PIAS2: variants seen among roughly 807,000 people sequenced by gnomAD.
PIAS2 encodes E3 SUMO-protein ligase PIAS2.
PIAS2 carries 19 observed loss-of-function variants against 69.7 expected under a neutral mutation model. The observed-to-expected ratio is 0.27, with a 90% CI of 0.19 to 0.40. PIAS2 has a LOEUF of 0.40. Ranked by LOEUF, PIAS2 falls within the 10% of genes least tolerant of loss-of-function variation. PIAS2 has a pLI of 1.00. For missense variants in PIAS2, 624 were observed against 757.0 expected (o/e 0.82, Z 2.06); for synonymous variants, 261 against 263.2 (o/e 0.99, Z 0.08).
At chr18:46,871,562 T>C (rs774953447) in intron 2 of PIAS2, among the ~76,000 whole-genome samples, 4 of 152,218 alleles carry the variant, frequency 2.6e-5, no homozygotes, top group Non-Finnish European at 5.9e-5. Context: ...AGGGGCTCTA[T>C]TCTTTTTATC....
At chr18:46,904,749 C>T (rs1291072246) in intron 1 of PIAS2, among the ~76,000 whole-genome samples, 1 of 144,150 alleles carries the variant, frequency 6.9e-6, no homozygotes, top group Non-Finnish European at 1.5e-5. Context: ...AGACTCCATC[C>T]GTCTCAAAAA....
At chr18:46,896,902 C>T (rs1236846476) in intron 1 of PIAS2, among the ~76,000 whole-genome samples, 1 of 152,158 alleles carries the variant, frequency 6.6e-6, no homozygotes, top group African/African-American at 2.4e-5. Context: ...TCCTTACAGT[C>T]ATAAGATTGA....
chr18:46,897,411 C>T (rs947953773), intron 1 of PIAS2, among the ~76,000 whole-genome samples: 6 of 152,146 alleles, frequency 3.9e-5, no homozygotes, highest in Non-Finnish European at 5.9e-5. Flanking sequence ...CCAGAATGGG[C>T]TCCTAGTAGC....
chr18:46,817,911 T>C (rs912692285), intron 12 of PIAS2: 25 of 981,576 alleles, frequency 2.5e-5, no homozygotes, highest in Non-Finnish European at 2.9e-5. Context: ...ATTAAAATTT[T>C]ACTGCCTTGT....
chr18:46,916,730 T>C (rs2057964033), intron 1 of PIAS2: 1 of 775,332 alleles, frequency 1.3e-6, no homozygotes, highest in African/African-American at 1.9e-5. Flanking sequence ...AATATCGAGG[T>C]TTAAGGCCGA....
chr18:46,840,947 G>A (rs2045292843), intron 8 of PIAS2, among the ~76,000 whole-genome samples: 1 of 150,906 alleles, frequency 6.6e-6, no homozygotes, highest in South Asian at 2.1e-4. Flanking sequence ...CCAAAATGGT[G>A]GTTTCCAACT....
intron 11 of PIAS2, among the ~76,000 whole-genome samples, chr18:46,821,719 A>T (rs2042204394): frequency 6.6e-6 from 1 of 152,148 alleles, no homozygotes. Flanking sequence ...AGGTAGGTGA[A>T]ATCCTAAGAG....
intron 2 of PIAS2, among the ~76,000 whole-genome samples, chr18:46,889,235 T>A (rs1267733652): frequency 6.6e-6 from 1 of 151,998 alleles, no homozygotes; most frequent in Non-Finnish European, 1.5e-5. Context: ...ATAAACAAAT[T>A]GGAATTTCAT....
At chr18:46,835,174 T>C (rs1447737590) in intron 9 of PIAS2, among the ~76,000 whole-genome samples, 3 of 152,258 alleles carry the variant, frequency 2.0e-5, no homozygotes, top group East Asian at 1.9e-4. Context: ...GTAATAATCA[T>C]CTCTCTCTAC....
chr18:46,920,136 G>T (rs1472266695), upstream of PIAS2: 3 of 1,269,224 alleles, frequency 2.4e-6, no homozygotes, highest in Non-Finnish European at 3.1e-6. Context: ...GGATGGGTTG[G>T]GTAGGTTTGA....
chr18:46,874,815 A>G (rs965964752), intron 2 of PIAS2, among the ~76,000 whole-genome samples: 30 of 152,052 alleles, frequency 2.0e-4, no homozygotes, highest in Non-Finnish European at 1.9e-4. Context: ...AGTTCCCAGC[A>G]TGTCAGCATC....
At chr18:46,830,286 A>G (rs2144977412) in intron 9 of PIAS2, among the ~76,000 whole-genome samples, 1 of 152,272 alleles carries the variant, frequency 6.6e-6, no homozygotes, top group Middle Eastern at 3.4e-3. Context: ...GAAGGAGGGA[A>G]GAAAAGGGAA....
At chr18:46,915,741 C>A (rs947126137) in intron 1 of PIAS2, 4 of 151,522 alleles carry the variant, frequency 2.6e-5, no homozygotes, top group Non-Finnish European at 4.4e-5. Context: ...TAAGCTTTGG[C>A]CAACAACATT....
At chr18:46,830,483 G>A (rs754649021) in intron 9 of PIAS2, among the ~76,000 whole-genome samples, 2 of 151,832 alleles carry the variant, frequency 1.3e-5, no homozygotes, top group Non-Finnish European at 2.9e-5. Context: ...TTTAAACACT[G>A]AAGTAGTATT....
At chr18:46,876,115 T>G (rs1344433540) in intron 2 of PIAS2, among the ~76,000 whole-genome samples, 1 of 152,228 alleles carries the variant, frequency 6.6e-6, no homozygotes, top group East Asian at 1.9e-4. Context: ...ATGGTGGTAT[T>G]GTGGCGGACC....
At chr18:46,895,634 G>C (rs1171168014) in intron 1 of PIAS2, among the ~76,000 whole-genome samples, 1 of 152,140 alleles carries the variant, frequency 6.6e-6, no homozygotes, top group Non-Finnish European at 1.5e-5. Context: ...TCACACTACT[G>C]CACTCCAGCC....
chr18:46,836,449 A>G lies in PIAS2; in HGVS notation c.1110T>C (p.Ala370=), dbSNP rs779239776. 4 of 1,613,992 alleles carry G rather than the reference A, an allele frequency of 2.5e-6. No homozygotes were observed. The South Asian group carries it at 4.4e-5, about 18-fold the overall frequency. ...VTCTHLQCFD[A]ALYLQMNEKK... Reference sequence around the variant, plus strand: ...TCTCATTCATTTGTAGATAGAGGGCAGCATCAAAACACTGCAGATGTGTAC... The same window carrying G: ...TCTCATTCATTTGTAGATAGAGGGCGGCATCAAAACACTGCAGATGTGTAC... Residue 370 remains alanine (A), a synonymous_variant, in exon 9 of 14, where the codon GCT becomes GCC. Transcript: ENST00000585916.
rs375634937 is a variant in PIAS2 at position 46,832,171 on chromosome 18, C to T, written c.1203-2304G>A. 2.6e-5 allele frequency among the ~76,000 whole-genome samples: 4 copies of T among 152,004 alleles called. No individual in the cohort carries two copies. The East Asian group carries it at 5.8e-4, about 22-fold the overall frequency. On this transcript the variant is annotated intron_variant, in intron 9 of 13. Transcript: ENST00000585916. ...GTGGCTCATGCCTGTAATCCCAGCACTTTGGGATGCTGAGGCGGGTGGATC... is the reference window on the plus strand; with the variant it reads ...GTGGCTCATGCCTGTAATCCCAGCATTTTGGGATGCTGAGGCGGGTGGATC...
At chr18:46,850,620 T>C (rs1231989357) in intron 5 of PIAS2, among the ~76,000 whole-genome samples, 1 of 152,118 alleles carries the variant, frequency 6.6e-6, no homozygotes, top group Non-Finnish European at 1.5e-5. Flanking sequence ...TGGTGCTACA[T>C]CATAAGGCAC....
Sources: gnomAD v4.1 joint callset for allele counts (sites outside exome capture counted in the v4.1 genomes callset) on GRCh38, gnomAD v4.1.1 for gene constraint, MANE v1.5 for transcripts, NCBI Gene and HGNC (gene_info 2026-07-23, HGNC 2026-07-21) for gene names.